The following TNS1 variants were observed in gnomAD, a reference collection of about 807,000 sequenced individuals.
TNS1 encodes the protein tensin-1.
A neutral mutation model predicts 168.6 loss-of-function variants in TNS1; 62 were observed. The observed-to-expected ratio is 0.37, with a 90% CI of 0.30 to 0.45. TNS1 has a LOEUF of 0.45. Among genes scored for constraint, TNS1 ranks in the 20% least tolerant of loss-of-function variants. The pLI, the probability that TNS1 is intolerant of heterozygous loss-of-function variation, is 1.00. For missense variants in TNS1, 2,240 were observed against 2,339.4 expected, an observed-to-expected ratio of 0.96 and a Z score of 0.88; for synonymous variants, 934 against 933.2, an observed-to-expected ratio of 1.00 and a Z score of -0.02.
chr2:217,969,347 G>A (rs1260016930), intron 3 of TNS1, among the ~76,000 whole-genome samples: 1 of 151,964 alleles, frequency 6.6e-6, no homozygotes, highest in Non-Finnish European at 1.5e-5. Context: ...CTAAATATAA[G>A]AGCCAAAACT....
At chr2:217,895,442 C>A (rs888057427) in intron 8 of TNS1, among the ~76,000 whole-genome samples, 1 of 152,162 alleles carries the variant, frequency 6.6e-6, no homozygotes, top group Non-Finnish European at 1.5e-5. Flanking sequence ...GCGGATGTCC[C>A]GAATGGAAGA....
intron 22 of TNS1, among the ~76,000 whole-genome samples, chr2:217,823,407 G>A (rs372472095): frequency 9.2e-5 from 14 of 152,326 alleles, no homozygotes; most frequent in East Asian, 7.7e-4. Context: ...TAGCTGAAAT[G>A]CAACCTTCCT....
In TNS1 at chr2:217,848,737, C is replaced by G. The variant is rs1487448191; in HGVS notation, c.1780G>C (p.Gly594Arg). 1.2e-6 allele frequency: 2 copies of G among 1,614,104 alleles called. No homozygotes were observed. Among genetic ancestry groups the G allele is most frequent in the Non-Finnish European group, 1.7e-6 (2 of 1,180,038 alleles). ...HTQHLRSRPA[G>R]GSAVPSSGRH... ...CCAGAGGAGGGCACAGCCGAGCCCC[C>G]TGCTGGGCGGGACCTGAGGTGCTGG... The change falls in exon 19 of 33, where the codon GGG becomes CGG. Residue 594 changes from glycine (G) to arginine (R), a missense_variant. Physicochemically the swap from Gly to Arg is moderately radical, Grantham distance 125 (BLOSUM62 -2). This residue lies in a region of TNS1 where 2,131 missense variants were observed against 2,171.2 expected (regional missense o/e 0.98). Coordinates refer to ENST00000682258, the MANE Select transcript of TNS1 (RefSeq NM_001387777.1).
In TNS1 at chr2:217,830,066, C is replaced by T. The variant is rs1004479665; in HGVS notation, c.3373+1389G>A. On this transcript the variant is annotated intron_variant, in intron 22 of 32. Coordinates refer to ENST00000682258, the MANE Select transcript of TNS1 (RefSeq NM_001387777.1). ...CTGGGGTGAGGCCAGGGCCGATTTG[C>T]GCTGTCCACAGAAGGACTCCAAGGG... The T allele has an allele frequency of 9.3e-6, 8 of 859,204 alleles. No homozygotes were observed. The Admixed American group carries it at 1.9e-4, about 20-fold the overall frequency. The allele number at this position is 859,204 out of a possible 1,614,324, so 53.2% of individuals were successfully genotyped here. A position where few individuals can be genotyped will look rare whatever the true frequency, so the allele number is the denominator to read the frequency against.
At chr2:217,942,474 C>T (rs893589374) in intron 3 of TNS1, among the ~76,000 whole-genome samples, 30 of 152,296 alleles carry the variant, frequency 2.0e-4, no homozygotes, top group African/African-American at 7.0e-4. Flanking sequence ...CCAGAGGTTT[C>T]AGGCAAGGGG....
rs1297337367 is a variant in TNS1, at chr2:217,848,679, T to C, written c.1838A>G (p.Asn613Ser). 9.3e-6 allele frequency: 15 copies of C among 1,614,090 alleles called. No individual in the cohort carries two copies. The highest frequency in any genetic ancestry group is 1.3e-5 in the African/African-American group (1 of 74,940). The change falls in exon 19 of 33, where the codon AAT becomes AGT. Residue 613 changes from asparagine (N) to serine (S), a missense_variant. Physicochemically the swap from Asn to Ser is conservative, Grantham distance 46. Around this residue, in one of 2 missense-constraint regions of TNS1, gnomAD observed 2,131 missense variants for 2,171.2 expected, o/e 0.98. Transcript: ENST00000682258. The part of the protein sequence containing the change: ...RHVVPAQVHV[N>S]GGALASERET... ...CCGCTCAGATGCTAACGCCCCACCA[T>C]TGACATGAACCTGGGCTGGGACAAC...
chr2:217,962,948 T>A (rs534953575), intron 3 of TNS1, among the ~76,000 whole-genome samples: 3 of 152,316 alleles, frequency 2.0e-5, no homozygotes, highest in Admixed American at 2.0e-4. Flanking sequence ...CTGGTTTTGA[T>A]AACCGTGCAT....
chr2:217,942,814 C>A (rs956586901), intron 3 of TNS1, among the ~76,000 whole-genome samples: 1 of 152,260 alleles, frequency 6.6e-6, no homozygotes, highest in African/African-American at 2.4e-5. Context: ...CCCCACCCAG[C>A]ACCCATCCTA....
chr2:217,991,147 A>G lies in TNS1; in HGVS notation c.34-91T>C, dbSNP rs571287998. On this transcript the variant is annotated intron_variant, in intron 1 of 32. Transcript: ENST00000682258. The stretch of plus-strand genomic sequence containing the variant: ...GAGCCTGGGGGAGAGGTAGGCAGGG[A>G]CAGGGAAAAGGATGGCAAGAGCCCC... 1.6e-5 allele frequency: 8 copies of G among 486,644 alleles called. No individual in the cohort carries two copies. In the East Asian group the frequency reaches 2.2e-4, roughly 13 times the overall value. 30.1% of individuals were successfully genotyped at this position (486,644 alleles called of 1,614,324 possible). A position where few individuals can be genotyped will look rare whatever the true frequency, so the allele number is the denominator to read the frequency against.
intron 24 of TNS1, among the ~76,000 whole-genome samples, chr2:217,816,676 A>T (rs1941936003): frequency 6.6e-6 from 1 of 152,102 alleles, no homozygotes; most frequent in Non-Finnish European, 1.5e-5. Context: ...AGCAGGGAAG[A>T]TGGTGGGAAA....
At chr2:217,953,250 G>A (rs1264028013) in intron 3 of TNS1, among the ~76,000 whole-genome samples, 1 of 152,172 alleles carries the variant, frequency 6.6e-6, no homozygotes, top group Non-Finnish European at 1.5e-5. Flanking sequence ...AGAGGCTGGG[G>A]CGGAAGGGGT....
At chr2:217,867,966 A>T (rs539108113) in intron 18 of TNS1, among the ~76,000 whole-genome samples, 1 of 152,138 alleles carries the variant, frequency 6.6e-6, no homozygotes, top group Non-Finnish European at 1.5e-5. Flanking sequence ...TCAGTTATTT[A>T]TTATGGTTGT....
At chr2:217,881,239 G>C (rs1489752194) in intron 17 of TNS1, 5 of 547,072 alleles carry the variant, frequency 9.1e-6, no homozygotes, top group Non-Finnish European at 1.6e-5. Flanking sequence ...CGGGTCATAG[G>C]GGTAAATCAG....
chr2:217,937,299 C>T (rs996282094), intron 3 of TNS1: 12 of 314,684 alleles, frequency 3.8e-5, no homozygotes, highest in Admixed American at 1.2e-4. Context: ...AACAATCCAG[C>T]GGCCCCGTGT....
At chr2:218,006,884 CA>C (rs1388387517), upstream of TNS1, among the ~76,000 whole-genome samples, 1 of 152,176 alleles carries the variant, frequency 6.6e-6, no homozygotes, top group Non-Finnish European at 1.5e-5. Context: ...AGTCTCAGGG[CA>C]CCGCTAGCCT....
intron 1 of TNS1, among the ~76,000 whole-genome samples, chr2:218,016,386 C>T (rs1245002836): frequency 6.6e-6 from 1 of 152,146 alleles, no homozygotes; most frequent in Non-Finnish European, 1.5e-5. Context: ...TATCAGGTCC[C>T]CGCCCACTTC....
intron 1 of TNS1, among the ~76,000 whole-genome samples, chr2:218,029,846 C>T (rs1012332518): frequency 1.3e-5 from 2 of 152,156 alleles, no homozygotes; most frequent in Admixed American, 6.5e-5. Context: ...TGAGTACGTG[C>T]GTGTGTTCAG....
chr2:218,006,236 T>C (rs540091430), upstream of TNS1, among the ~76,000 whole-genome samples: 3 of 152,244 alleles, frequency 2.0e-5, no homozygotes, highest in South Asian at 6.2e-4. Flanking sequence ...GAAGGAAGGG[T>C]GAGTGTGGTC....
chr2:217,865,459 G>A (rs183408332), intron 18 of TNS1, among the ~76,000 whole-genome samples: 2 of 152,352 alleles, frequency 1.3e-5, no homozygotes, highest in East Asian at 1.9e-4. Flanking sequence ...GGAAGGCAGG[G>A]AAGAAGGAGA....
Sources: gnomAD v4.1 joint callset for allele counts (sites outside exome capture counted in the v4.1 genomes callset) on GRCh38, gnomAD v4.1.1 for gene constraint, gnomAD v4.1.1 regional missense constraint, MANE v1.5 for transcripts, NCBI Gene and HGNC (gene_info 2026-07-23, HGNC 2026-07-21) for gene names.